The following TTC28 variants were observed in gnomAD, a reference collection of about 807,000 sequenced individuals.
The protein encoded by TTC28 is tetratricopeptide repeat domain 28, also known as tetratricopeptide repeat protein 28.
In TTC28, 61 loss-of-function variants were observed where a neutral mutation model predicts 198.0. The ratio of observed to expected loss-of-function variants is 0.31; its 90% confidence interval spans 0.25 to 0.38. TTC28 has a LOEUF of 0.38. TTC28 is among the 10% of genes least tolerant of loss of function. The pLI, the probability that TTC28 is intolerant of heterozygous loss-of-function variation, is 1.00. For missense variants in TTC28, 2,678 were observed against 3,164.0 expected, an observed-to-expected ratio of 0.85 and a Z score of 3.69; for synonymous variants, 1,171 against 1,297.8, an observed-to-expected ratio of 0.90 and a Z score of 2.10.
intron 3 of TTC28, among the ~76,000 whole-genome samples, chr22:28,299,274 T>G (rs548468357): frequency 5.3e-4 from 80 of 152,164 alleles, no homozygotes; most frequent in South Asian, 3.5e-3. Context: ...GGGTGGTCTC[T>G]TTAAATCTTG....
At chr22:28,581,342 T>C (rs980218546) in intron 2 of TTC28, among the ~76,000 whole-genome samples, 1 of 152,238 alleles carries the variant, frequency 6.6e-6, no homozygotes, top group African/African-American at 2.4e-5. Context: ...CTCTTTTCTT[T>C]ATAAATTACC....
Position 27,992,498 on chromosome 22 carries a change from T to TA in TTC28, c.5553+88dup, listed in dbSNP as rs1467670727. On this transcript the variant is annotated intron_variant, in intron 19 of 22. Transcript: ENST00000397906. ...CAAAGGCGGTGAGACTGCATTCACT[T>TA]ACAGGTTCCTATTTAGGGCCAAGTT... 8.9e-6 allele frequency: 12 copies of TA among 1,341,378 alleles called. No homozygotes were observed. In the African/African-American group the frequency reaches 1.5e-4, roughly 16 times the overall value. The allele number at this position is 1,341,378 out of a possible 1,614,324, so 83.1% of individuals were successfully genotyped here.
chr22:28,624,294 C>T (rs1019500156), intron 2 of TTC28, among the ~76,000 whole-genome samples: 2 of 151,890 alleles, frequency 1.3e-5, no homozygotes, highest in Non-Finnish European at 2.9e-5. Context: ...AGGAGAATGG[C>T]GTGAACCCGG....
intron 5 of TTC28, among the ~76,000 whole-genome samples, chr22:28,262,475 T>C (rs566095106): frequency 1.1e-4 from 16 of 152,304 alleles, no homozygotes; most frequent in African/African-American, 3.1e-4. Context: ...CCAATTTGTT[T>C]CTTTGATCTT....
chr22:28,512,631 C>A (rs1419948725), intron 2 of TTC28, among the ~76,000 whole-genome samples: 1 of 152,108 alleles, frequency 6.6e-6, no homozygotes, highest in Non-Finnish European at 1.5e-5. Context: ...TGCAGGGACA[C>A]AGATGGAGTT....
In TTC28 at chr22:28,105,704, C is replaced by G. The variant is rs1285955560; in HGVS notation, c.2882G>C (p.Gly961Ala). 5 of 1,551,724 alleles carry G rather than the reference C, an allele frequency of 3.2e-6. No individual in the cohort carries two copies. Among genetic ancestry groups the G allele is most frequent in the Non-Finnish European group, 4.4e-6 (5 of 1,147,048 alleles). Residue 961 changes from glycine (G) to alanine (A), a missense_variant, in exon 8 of 23, where the codon GGA becomes GCA. By Grantham distance (60) the Gly-to-Ala change is moderately conservative. Around this residue, in one of 8 missense-constraint regions of TTC28, gnomAD observed 727 missense variants for 861.9 expected, o/e 0.84. Transcript: ENST00000397906. ...TTGGCTGTGCAGACTTCCCAGCTCT[C>G]CATAGGCCTGGGCTTTATTGAAGGC... Reference protein sequence around the residue: ...GEAFNKAQAYGELGSLHSQLG... With the variant: ...GEAFNKAQAYAELGSLHSQLG...
intron 2 of TTC28, among the ~76,000 whole-genome samples, chr22:28,445,353 T>C (rs535891614): frequency 9.2e-5 from 14 of 152,328 alleles, no homozygotes; most frequent in African/African-American, 2.6e-4. Flanking sequence ...GTTTAGTCAG[T>C]TGAGCAACAA....
At chr22:28,436,550 A>G (rs1826015083) in intron 2 of TTC28, among the ~76,000 whole-genome samples, 1 of 152,240 alleles carries the variant, frequency 6.6e-6, no homozygotes, top group Non-Finnish European at 1.5e-5. Context: ...TAAGAAGAAC[A>G]TGAGGAGAAG....
At chr22:27,999,670 T>C (rs1937620737) in intron 15 of TTC28, 1 of 175,890 alleles carries the variant, frequency 5.7e-6, no homozygotes, top group South Asian at 1.6e-4. Flanking sequence ...AAAGTGATTT[T>C]GTTTAAATGG....
intron 12 of TTC28, among the ~76,000 whole-genome samples, chr22:28,089,404 T>C (rs1941735603): frequency 6.6e-6 from 1 of 151,344 alleles, no homozygotes; most frequent in Admixed American, 6.6e-5. Flanking sequence ...CTCAGTAAAC[T>C]ATCGCAAGAA....
intron 5 of TTC28, among the ~76,000 whole-genome samples, chr22:28,275,259 A>C (rs2145719366): frequency 6.6e-6 from 1 of 152,348 alleles, no homozygotes; most frequent in East Asian, 1.9e-4. Flanking sequence ...GATTTTTCCA[A>C]CTTCATGCAT....
At chr22:28,443,517 C>T (rs2047656620) in intron 2 of TTC28, among the ~76,000 whole-genome samples, 1 of 152,130 alleles carries the variant, frequency 6.6e-6, no homozygotes, top group Admixed American at 6.5e-5. Flanking sequence ...TCTCGAAATG[C>T]CTACCTTCCC....
At chr22:28,147,799 A>G (rs1377868655) in intron 6 of TTC28, among the ~76,000 whole-genome samples, 5 of 152,228 alleles carry the variant, frequency 3.3e-5, no homozygotes, top group African/African-American at 1.2e-4. Context: ...TCATTCCTTT[A>G]TCATTATTAT....
intron 2 of TTC28, among the ~76,000 whole-genome samples, chr22:28,453,652 G>A (rs968616379): frequency 6.6e-6 from 1 of 152,050 alleles, no homozygotes; most frequent in Non-Finnish European, 1.5e-5. Flanking sequence ...CCACTAACAA[G>A]TCCTCAGCTC....
chr22:28,563,480 T>C (rs2049923276), intron 2 of TTC28, among the ~76,000 whole-genome samples: 1 of 152,170 alleles, frequency 6.6e-6, no homozygotes, highest in Non-Finnish European at 1.5e-5. Flanking sequence ...AACTGCTTAA[T>C]AATTCTTATC....
rs185697326 is a variant in TTC28 at position 28,210,311 on chromosome 22, G to C, written c.934-46712C>G. Among the ~76,000 whole-genome samples the C allele has an allele frequency of 9.2e-4, 140 of 152,306 alleles. 1 individual carries two copies. Among genetic ancestry groups the C allele is most frequent in the African/African-American group, 3.2e-3 (133 of 41,580 alleles). On this transcript the variant is annotated intron_variant, in intron 5 of 22. Transcript: ENST00000397906. ...GAATGACTTTGACAAATAGACAGAA[G>C]TAGGCTTCAGACGATCGGTAATAAC... is the stretch of plus-strand genomic sequence containing the variant.
At chr22:28,508,803 C>A (rs568694166) in intron 2 of TTC28, among the ~76,000 whole-genome samples, 75 of 152,264 alleles carry the variant, frequency 4.9e-4, no homozygotes, top group African/African-American at 1.7e-3. Flanking sequence ...TAACACCCCA[C>A]TGACAATATT....
intron 1 of TTC28, among the ~76,000 whole-genome samples, chr22:28,648,865 C>T (rs1256150039): frequency 3.3e-5 from 5 of 151,648 alleles, no homozygotes; most frequent in South Asian, 2.1e-4. Flanking sequence ...GCCGAGATCA[C>T]GCCATTGCAC....
At chr22:28,272,656 T>C (rs1932165856) in intron 5 of TTC28, among the ~76,000 whole-genome samples, 1 of 152,252 alleles carries the variant, frequency 6.6e-6, no homozygotes. Context: ...TTTAAAATTG[T>C]ATAATTTTTA....
Sources: gnomAD v4.1 joint callset for allele counts (sites outside exome capture counted in the v4.1 genomes callset) on GRCh38, gnomAD v4.1.1 for gene constraint, gnomAD v4.1.1 regional missense constraint, MANE v1.5 for transcripts, NCBI Gene and HGNC (gene_info 2026-07-23, HGNC 2026-07-21) for gene names.